SMC5: variants seen among roughly 807,000 people sequenced by gnomAD.
SMC5 encodes the protein structural maintenance of chromosomes 5.
A neutral mutation model predicts 148.3 loss-of-function variants in SMC5; 88 were observed. That is an observed-to-expected ratio of 0.59 (90% CI 0.50 to 0.71). The LOEUF (loss-of-function observed/expected upper bound fraction) is 0.71, where lower values mean the gene tolerates loss of function less well. Among genes scored for constraint, SMC5 ranks in the 30% least tolerant of loss-of-function variants. SMC5 has a pLI of 0.00. For missense variants in SMC5, 1,142 were observed against 1,298.9 expected (o/e 0.88, Z 1.86); for synonymous variants, 421 against 432.8 (o/e 0.97, Z 0.34).
intron 15 of SMC5, among the ~76,000 whole-genome samples, chr9:70,321,388 A>C (rs1347317912): frequency 6.8e-6 from 1 of 147,736 alleles, no homozygotes; most frequent in African/African-American, 2.5e-5. Context: ...TAATATTGTC[A>C]AATGTCTTTT....
intron 17 of SMC5, among the ~76,000 whole-genome samples, chr9:70,340,016 A>G (rs928898294): frequency 2.0e-5 from 3 of 152,170 alleles, no homozygotes; most frequent in Non-Finnish European, 4.4e-5. Context: ...CTCTGCAGCC[A>G]TAAGTATGAT....
chr9:70,350,870 A>C (rs1300472428), intron 24 of SMC5, among the ~76,000 whole-genome samples: 1 of 152,196 alleles, frequency 6.6e-6, no homozygotes, highest in East Asian at 1.9e-4. Context: ...TAAGTATCCC[A>C]ACATCTTCTA....
In SMC5 at chr9:70,259,125, C is replaced by A; in HGVS notation, c.47C>A (p.Ser16Tyr). 6.2e-6 allele frequency: 10 copies of A among 1,612,608 alleles called. No individual in the cohort carries two copies. Among genetic ancestry groups the A allele is most frequent in the Non-Finnish European group, 8.5e-6 (10 of 1,179,294 alleles). The change falls in exon 1 of 25, where the codon TCC becomes TAC. Residue 16 changes from serine to tyrosine, a missense_variant. Physicochemically the swap from Ser to Tyr is moderately radical, Grantham distance 144. Coordinates refer to ENST00000361138, the MANE Select transcript of SMC5 (RefSeq NM_015110.4). ...ACGTCAACTCCAAGCCCCCAGCCTT[C>A]CAAGAGAGCTCTCCCGAGAGACCCT... ...KKTSTPSPQPSKRALPRDPSS... is the reference protein window; with the variant it reads ...KKTSTPSPQPYKRALPRDPSS...
At chr9:70,292,248 A>C (rs908512427) in intron 8 of SMC5, among the ~76,000 whole-genome samples, 2 of 152,184 alleles carry the variant, frequency 1.3e-5, no homozygotes, top group African/African-American at 4.8e-5. Flanking sequence ...TAGGAATTTC[A>C]TTAAACATTT....
At chr9:70,322,968 C>T (rs1410641823) in intron 15 of SMC5, among the ~76,000 whole-genome samples, 2 of 152,162 alleles carry the variant, frequency 1.3e-5, no homozygotes, top group African/African-American at 4.8e-5. Flanking sequence ...TTATCTCCCT[C>T]CCCTCCCCAA....
At chr9:70,316,896 ATTTC>A (rs2035817220) in intron 13 of SMC5, among the ~76,000 whole-genome samples, 1 of 151,950 alleles carries the variant, frequency 6.6e-6, no homozygotes, top group Non-Finnish European at 1.5e-5. Context: ...TTTTCTTCCC[ATTTC>A]TTTTTCAGGT....
In SMC5 at chr9:70,306,564, G is replaced by T. The variant is rs7026265; in HGVS notation, c.1578+1204G>T. Among the ~76,000 whole-genome samples, 529 of 152,290 alleles carry T rather than the reference G, an allele frequency of 3.5e-3. 4 individuals are homozygous for T. Among genetic ancestry groups the T allele is most frequent in the African/African-American group, 0.012 (490 of 41,550 alleles). On this transcript the variant is annotated intron_variant, in intron 11 of 24. Coordinates refer to ENST00000361138, the MANE Select transcript of SMC5 (RefSeq NM_015110.4). ...TCAGTGGAGAAGTCAAGTTGCTTGGGTTGCACGTCTTTTAAGACATGATAC... is the reference window on the plus strand; with the variant it reads ...TCAGTGGAGAAGTCAAGTTGCTTGGTTTGCACGTCTTTTAAGACATGATAC...
intron 11 of SMC5, among the ~76,000 whole-genome samples, chr9:70,309,318 C>CGT (rs2035594091): frequency 1.3e-5 from 1 of 79,180 alleles, no homozygotes; most frequent in South Asian, 4.9e-4. Flanking sequence ...TTTCCTTTTC[C>CGT]TTTTTTTTTT....
At chr9:70,283,977 T>G (rs1180118) in intron 7 of SMC5, among the ~76,000 whole-genome samples, 32,138 of 152,138 alleles carry the variant, frequency 0.21, 3,532 homozygotes, top group South Asian at 0.28. Context: ...CTTCGATTTC[T>G]AGATGTGATT....
At chr9:70,287,328 C>G (rs1004269425) in intron 8 of SMC5, among the ~76,000 whole-genome samples, 6 of 151,740 alleles carry the variant, frequency 4.0e-5, no homozygotes. Context: ...TCTTTCCTTG[C>G]TTATCTGAGA....
chr9:70,292,683 G>A (rs1390823524), intron 8 of SMC5, among the ~76,000 whole-genome samples: 1 of 152,022 alleles, frequency 6.6e-6, no homozygotes, highest in African/African-American at 2.4e-5. Context: ...ATTCTTATAT[G>A]TATTCCTATG....
At chr9:70,277,672 T>G (rs2034629212) in intron 4 of SMC5, among the ~76,000 whole-genome samples, 200 bp downstream of exon 4, 1 of 152,124 alleles carries the variant, frequency 6.6e-6, no homozygotes, top group Non-Finnish European at 1.5e-5. Flanking sequence ...AGTAAAAAAG[T>G]CTAAATTAGA....
At chr9:70,296,038 T>G (rs2035192687) in intron 8 of SMC5, among the ~76,000 whole-genome samples, 1 of 152,132 alleles carries the variant, frequency 6.6e-6, no homozygotes, top group Non-Finnish European at 1.5e-5. Flanking sequence ...TTCTGTATGT[T>G]TGGTTATAGG....
At position 70,350,473 on chromosome 9, in the gene SMC5, T is replaced by A; in HGVS notation, c.3165+2T>A. The A allele has an allele frequency of 6.3e-7, 1 of 1,578,802 alleles. No individual in the cohort carries two copies. Among genetic ancestry groups the A allele is most frequent in the South Asian group, 1.2e-5 (1 of 84,972 alleles). On this transcript the variant is annotated splice_donor_variant, in intron 24 of 24. Transcript: ENST00000361138. LOFTEE classifies it high-confidence loss of function. ...CAATACTTTTTCATAACACCAAAGG[T>A]AGGTAAAAAGTAACCTAAAAGTGGT...
At position 70,278,645 on chromosome 9, in the gene SMC5, C is replaced by A. The variant is rs1319522671; in HGVS notation, c.678+20C>A. The A allele has an allele frequency of 1.3e-6, 2 of 1,585,910 alleles. No individual in the cohort carries two copies. ...CTCGAGGTACTTTAAATAGACAACTCATTTGTATTGTTTCTTATTGATTTC... is the reference window on the plus strand; with the variant it reads ...CTCGAGGTACTTTAAATAGACAACTAATTTGTATTGTTTCTTATTGATTTC... On this transcript the variant is annotated intron_variant, in intron 5 of 24. Transcript: ENST00000361138.
chr9:70,295,547 A>G (rs2035179324), intron 8 of SMC5, among the ~76,000 whole-genome samples: 1 of 151,906 alleles, frequency 6.6e-6, no homozygotes. Context: ...ACAGTATCCT[A>G]GTGAAGGTAG....
intron 17 of SMC5, among the ~76,000 whole-genome samples, chr9:70,326,937 T>C (rs918543356): frequency 6.6e-6 from 1 of 152,116 alleles, no homozygotes; most frequent in African/African-American, 2.4e-5. Context: ...TCTGAAAATA[T>C]TATAGAGTAA....
chr9:70,300,156 A>G lies in SMC5; in HGVS notation c.1420A>G (p.Arg474Gly), dbSNP rs757278111. The G allele has an allele frequency of 3.1e-6, 5 of 1,602,594 alleles. No homozygotes were observed. The East Asian group carries it at 1.1e-4, about 36-fold the overall frequency. ...YDAVLWLRNN[R>G]DKFKQRVCEP... is the part of the protein sequence containing the mutation. ...TGCTGTTTTATGGCTAAGAAATAACAGAGACAAATTTAAACAAAGAGTCTG... is the reference window on the plus strand; with the variant it reads ...TGCTGTTTTATGGCTAAGAAATAACGGAGACAAATTTAAACAAAGAGTCTG... The change falls in exon 10 of 25, where the codon AGA becomes GGA. Residue 474 changes from arginine to glycine, a missense_variant. Arg to Gly is a moderately radical substitution (Grantham distance 125). Coordinates refer to ENST00000361138, the MANE Select transcript of SMC5 (RefSeq NM_015110.4).
intron 15 of SMC5, among the ~76,000 whole-genome samples, chr9:70,322,599 G>T (rs1465635885): frequency 6.6e-6 from 1 of 152,226 alleles, no homozygotes; most frequent in Non-Finnish European, 1.5e-5. Flanking sequence ...ACTTTGGGAG[G>T]CCGAGGTGCG....
Sources: allele counts gnomAD v4.1 joint callset (sites outside exome capture counted in the v4.1 genomes callset), GRCh38; gene constraint gnomAD v4.1.1; transcripts MANE v1.5; gene names NCBI Gene and HGNC (gene_info 2026-07-23, HGNC 2026-07-21).